PRKCB: variants seen among roughly 807,000 people sequenced by gnomAD.
The protein encoded by PRKCB is protein kinase C beta type.
Under a neutral mutation model 81.5 loss-of-function variants are expected in PRKCB, and 13 were observed. The ratio of observed to expected loss-of-function variants is 0.16; its 90% confidence interval spans 0.10 to 0.25. The LOEUF is 0.25. PRKCB is among the 10% of genes least tolerant of loss of function. The pLI, the probability that PRKCB is intolerant of heterozygous loss-of-function variation, is 1.00. For missense variants in PRKCB, 509 were observed against 875.7 expected (o/e 0.58, Z 5.29); for synonymous variants, 335 against 321.4 (o/e 1.04, Z -0.45).
At chr16:24,123,469 G>T (rs1313553153) in intron 8 of PRKCB, among the ~76,000 whole-genome samples, 1 of 152,162 alleles carries the variant, frequency 6.6e-6, no homozygotes, top group Non-Finnish European at 1.5e-5. Flanking sequence ...GGACTTGGTT[G>T]GATGAGAGGC....
chr16:24,022,507 T>A (rs1965417296), intron 3 of PRKCB, among the ~76,000 whole-genome samples: 1 of 152,202 alleles, frequency 6.6e-6, no homozygotes, highest in Non-Finnish European at 1.5e-5. Context: ...CTTTTTTTTG[T>A]TTGAGACAGA....
At chr16:23,982,770 G>T (rs1266150271) in intron 2 of PRKCB, among the ~76,000 whole-genome samples, 1 of 152,160 alleles carries the variant, frequency 6.6e-6, no homozygotes, top group African/African-American at 2.4e-5. Flanking sequence ...AGGGAGGGTG[G>T]GAGGTGGATA....
At chr16:24,082,202 G>A (rs1186852487) in intron 5 of PRKCB, among the ~76,000 whole-genome samples, 1 of 151,934 alleles carries the variant, frequency 6.6e-6, no homozygotes, top group African/African-American at 2.4e-5. Context: ...AACACTGAAA[G>A]AAATCAAAGA....
At chr16:24,180,201 C>T (rs1410094431) in intron 12 of PRKCB, among the ~76,000 whole-genome samples, 6 of 152,112 alleles carry the variant, frequency 3.9e-5, no homozygotes, top group African/African-American at 1.4e-4. Context: ...CCTTGGCCTC[C>T]CGAAGTGCTG....
chr16:23,904,379 G>T (rs1209545904), intron 2 of PRKCB, among the ~76,000 whole-genome samples: 1 of 152,164 alleles, frequency 6.6e-6, no homozygotes, highest in African/African-American at 2.4e-5. Context: ...ACACTTAGAG[G>T]AAGCTGGGCG....
chr16:23,893,650 A>G lies in PRKCB; in HGVS notation c.205+56244A>G, dbSNP rs560821910. 4.6e-5 allele frequency: 7 copies of G among 152,276 alleles called. No individual in the cohort carries two copies. In the South Asian group the frequency reaches 1.4e-3, roughly 32 times the overall value. 9.4% of individuals were successfully genotyped at this position (152,276 alleles called of 1,614,324 possible). A position where few individuals can be genotyped will look rare whatever the true frequency, so the allele number is the denominator to read the frequency against. Reference sequence around the variant, plus strand: ...GCATATAAATATGTGTACTTCTTTTATTTTTCACAAGAGTACTCTCACACC... The same window carrying G: ...GCATATAAATATGTGTACTTCTTTTGTTTTTCACAAGAGTACTCTCACACC... On this transcript the variant is annotated intron_variant, in intron 2 of 16. Transcript: ENST00000643927.
chr16:23,843,509 G>A (rs879772059), intron 2 of PRKCB, among the ~76,000 whole-genome samples: 1 of 151,980 alleles, frequency 6.6e-6, no homozygotes, highest in Admixed American at 6.6e-5. Context: ...TCTTTGAGTG[G>A]GTTAACATTG....
intron 16 of PRKCB, among the ~76,000 whole-genome samples, chr16:24,204,434 C>T (rs942669183): frequency 6.6e-6 from 1 of 152,094 alleles, no homozygotes; most frequent in Non-Finnish European, 1.5e-5. Context: ...ACTGTTAACT[C>T]TTAAAATTAT....
chr16:23,971,031 A>G (rs1964548520), intron 2 of PRKCB, among the ~76,000 whole-genome samples: 1 of 152,246 alleles, frequency 6.6e-6, no homozygotes, highest in South Asian at 2.1e-4. Flanking sequence ...TGGGGATTAT[A>G]GTAGATGTAC....
intron 9 of PRKCB, among the ~76,000 whole-genome samples, chr16:24,127,715 T>C (rs1221065536): frequency 1.3e-5 from 2 of 152,284 alleles, no homozygotes; most frequent in East Asian, 1.9e-4. Flanking sequence ...GAAACTGTTA[T>C]AATAATTGAG....
At chr16:24,149,278 G>C (rs1967040182) in intron 9 of PRKCB, among the ~76,000 whole-genome samples, 1 of 152,200 alleles carries the variant, frequency 6.6e-6, no homozygotes, top group African/African-American at 2.4e-5. Context: ...GATTGGAGGA[G>C]TATCAAATAT....
intron 12 of PRKCB, among the ~76,000 whole-genome samples, chr16:24,175,954 A>G (rs1371158110): frequency 1.4e-5 from 2 of 147,714 alleles, no homozygotes; most frequent in African/African-American, 5.0e-5. Flanking sequence ...CCTGCGTGAC[A>G]CAGCAAGACC....
At chr16:23,967,085 C>A (rs1188369610) in intron 2 of PRKCB, among the ~76,000 whole-genome samples, 2 of 151,626 alleles carry the variant, frequency 1.3e-5, no homozygotes, top group African/African-American at 4.8e-5. Context: ...CCTTAAGACA[C>A]TCCTCTAATT....
intron 3 of PRKCB, among the ~76,000 whole-genome samples, chr16:24,029,895 CT>C (rs1250216119): frequency 2.6e-5 from 4 of 152,048 alleles, no homozygotes; most frequent in East Asian, 3.9e-4. Flanking sequence ...CTGCCATGTA[CT>C]TTTTTTTCCT....
intron 2 of PRKCB, among the ~76,000 whole-genome samples, chr16:23,898,186 C>T (rs1396832522): frequency 2.0e-5 from 3 of 152,068 alleles, no homozygotes; most frequent in African/African-American, 7.2e-5. Flanking sequence ...CTGCCTCAGC[C>T]TCCCGAGTAG....
chr16:23,976,644 T>C (rs567802508), intron 2 of PRKCB, among the ~76,000 whole-genome samples: 36 of 152,342 alleles, frequency 2.4e-4, no homozygotes, highest in African/African-American at 8.7e-4. Context: ...GGGTTAGGCC[T>C]GCTTCTGGTC....
At chr16:23,900,965 G>A (rs1444995079) in intron 2 of PRKCB, among the ~76,000 whole-genome samples, 1 of 151,958 alleles carries the variant, frequency 6.6e-6, no homozygotes, top group Non-Finnish European at 1.5e-5. Flanking sequence ...GTCTGATCCT[G>A]TGCACCGTGC....
chr16:24,162,745 C>T (rs947948611), intron 10 of PRKCB, among the ~76,000 whole-genome samples: 1 of 152,104 alleles, frequency 6.6e-6, no homozygotes. Flanking sequence ...TGAGCCACCG[C>T]GCCCAGCCTG....
At chr16:24,199,666 G>A (rs766569161) in intron 16 of PRKCB, among the ~76,000 whole-genome samples, 6 of 152,156 alleles carry the variant, frequency 3.9e-5, no homozygotes, top group Admixed American at 1.3e-4. Flanking sequence ...AAAATATATT[G>A]CATTTTTGTC....
Sources: gnomAD v4.1 joint callset for allele counts (sites outside exome capture counted in the v4.1 genomes callset) on GRCh38, gnomAD v4.1.1 for gene constraint, MANE v1.5 for transcripts, NCBI Gene and HGNC (gene_info 2026-07-23, HGNC 2026-07-21) for gene names.